Variants in CCDC43 observed in about 807,000 individuals in gnomAD.
CCDC43 encodes coiled-coil domain-containing protein 43.
CCDC43 carries 20 observed loss-of-function variants against 33.3 expected under a neutral mutation model. The observed-to-expected ratio is 0.60, with a 90% CI of 0.42 to 0.87. The LOEUF (loss-of-function observed/expected upper bound fraction) is 0.87, where lower values mean the gene tolerates loss of function less well. Among genes scored for constraint, CCDC43 ranks in the 40% least tolerant of loss-of-function variants. The probability of loss-of-function intolerance (pLI) is 0.00; values close to 1 mark genes in which losing one functional copy is unlikely to be tolerated. For synonymous variants in CCDC43, 104 were observed against 106.5 expected (o/e 0.98, Z 0.14); for missense variants, 248 against 269.9 (o/e 0.92, Z 0.57).
intron 3 of CCDC43, among the ~76,000 whole-genome samples, chr17:44,681,005 G>T (rs745495159): frequency 2.0e-5 from 3 of 152,082 alleles, no homozygotes; most frequent in Non-Finnish European, 2.9e-5. Flanking sequence ...CTAAATTGTG[G>T]GTGAAGCCCA....
Position 44,689,699 on chromosome 17 carries a change from C to T in CCDC43, c.55G>A (p.Gly19Ser), listed in dbSNP as rs779183794. Residue 19 changes from glycine to serine, a missense_variant, in exon 1 of 5, where the codon GGC becomes AGC. Coordinates refer to ENST00000315286, the MANE Select transcript of CCDC43 (RefSeq NM_144609.3). ...AIAPGEGDGG[G>S]GGFGSWLDGR... ...TCCAGCCAGGAGCCAAAGCCGCCGC[C>T]TCCGCCATCGCCTTCGCCAGGGGCT... 3.7e-6 allele frequency: 6 copies of T among 1,605,504 alleles called. No homozygotes were observed. The Admixed American group carries it at 5.1e-5, about 14-fold the overall frequency.
At chr17:44,685,530 T>C (rs1029911851) in intron 1 of CCDC43, among the ~76,000 whole-genome samples, 1 of 152,228 alleles carries the variant, frequency 6.6e-6, no homozygotes, top group Non-Finnish European at 1.5e-5. Context: ...TTCTTAACTT[T>C]CTGATCTTCA....
At chr17:44,685,989 A>G (rs1051791955) in intron 1 of CCDC43, among the ~76,000 whole-genome samples, 2 of 152,010 alleles carry the variant, frequency 1.3e-5, no homozygotes, top group African/African-American at 2.4e-5. Flanking sequence ...TCTCGGCTCA[A>G]TGCAAGCTCT....
rs568039722 is a variant in CCDC43, at chr17:44,679,171, A to T, written c.488-128T>A. ...CGTCTTTATCTATTCCTGGTTTTTT[A>T]AAAAAAACCCTTATGTTTATCCTTG... On this transcript the variant is annotated intron_variant, in intron 4 of 4. Coordinates refer to ENST00000315286, the MANE Select transcript of CCDC43 (RefSeq NM_144609.3). The T allele has an allele frequency of 3.6e-4, 201 of 561,806 alleles. 1 individual carries two copies. The highest frequency in any genetic ancestry group is 2.5e-3 in the African/African-American group (129 of 52,172). The allele number at this position is 561,806 out of a possible 1,614,324, so 34.8% of individuals were successfully genotyped here. A position where few individuals can be genotyped will look rare whatever the true frequency, so the allele number is the denominator to read the frequency against.
At chr17:44,686,504 G>GC (rs1972239256) in intron 1 of CCDC43, among the ~76,000 whole-genome samples, 1 of 152,220 alleles carries the variant, frequency 6.6e-6, no homozygotes, top group Non-Finnish European at 1.5e-5. Flanking sequence ...AGGAAAAGGA[G>GC]CAGCAGAGAG....
At chr17:44,680,073 G>T (rs1341707148) in intron 4 of CCDC43, among the ~76,000 whole-genome samples, 2 of 151,802 alleles carry the variant, frequency 1.3e-5, no homozygotes, top group African/African-American at 4.8e-5. Flanking sequence ...GACTTCCTGG[G>T]CTCAGGTGAT....
At chr17:44,686,896 A>G (rs1057276365) in intron 1 of CCDC43, among the ~76,000 whole-genome samples, 6 of 152,190 alleles carry the variant, frequency 3.9e-5, no homozygotes, top group African/African-American at 1.2e-4. Flanking sequence ...GAAGGATGAT[A>G]AAAGTTTTTG....
rs1475867629 is a variant in CCDC43, at chr17:44,682,113, T to A, written c.318A>T (p.Leu106=). 6.2e-7 allele frequency: 1 copy of A among 1,613,936 alleles called. No individual in the cohort carries two copies. The highest frequency in any genetic ancestry group is 8.5e-7 in the Non-Finnish European group (1 of 1,179,862). Residue 106 remains leucine, a synonymous_variant, in exon 3 of 5, where the codon CTA becomes CTT. Coordinates refer to ENST00000315286, the MANE Select transcript of CCDC43 (RefSeq NM_144609.3). ...KEDEVQAIAT[L]IEKQAQIVVK... is the part of the protein sequence containing the mutation. Reference sequence around the variant, plus strand: ...CTACGATTTGTGCCTGCTTCTCAATTAGGGTGGCAATGGCCTGTACTTCAT... The same window carrying A: ...CTACGATTTGTGCCTGCTTCTCAATAAGGGTGGCAATGGCCTGTACTTCAT...
intron 1 of CCDC43, among the ~76,000 whole-genome samples, chr17:44,686,948 A>G (rs1231550607): frequency 6.6e-6 from 1 of 152,128 alleles, no homozygotes; most frequent in Non-Finnish European, 1.5e-5. Flanking sequence ...CTGTTCTTGA[A>G]TTTTACCTCA....
chr17:44,687,904 G>A (rs1192420874), intron 1 of CCDC43: 1 of 152,124 alleles, frequency 6.6e-6, no homozygotes, highest in African/African-American at 2.4e-5. Flanking sequence ...CCATTTATAA[G>A]CCAATCTTGC....
At chr17:44,688,435 G>A (rs1362666109) in intron 1 of CCDC43, 2 of 152,214 alleles carry the variant, frequency 1.3e-5, no homozygotes, top group African/African-American at 2.4e-5. Context: ...TTACAAACAT[G>A]AGCCACTGTG....
chr17:44,689,543 T>C lies in CCDC43; in HGVS notation c.204+7A>G. On this transcript the variant is annotated splice_region_variant and intron_variant, in intron 1 of 4. Coordinates refer to ENST00000315286, the MANE Select transcript of CCDC43 (RefSeq NM_144609.3). The stretch of plus-strand genomic sequence containing the variant: ...AGAGGCTGAAGGAATGTGTCCAGGC[T>C]ACTCACCAGGAAAGCAGAGAGGATC... The C allele has an allele frequency of 6.2e-7, 1 of 1,613,912 alleles. No individual in the cohort carries two copies. Among genetic ancestry groups the C allele is most frequent in the African/African-American group, 1.3e-5 (1 of 75,056 alleles).
rs372972639 is a variant in CCDC43 at position 44,682,034 on chromosome 17, C to A, written c.397G>T (p.Ala133Ser). The stretch of plus-strand genomic sequence containing the variant: ...TCATCTGTCACATCAGCATACTGGG[C>A]CAGGAGGGCAGCTTTTCTCTGCTTC... Reference protein sequence around the residue: ...EEKQRKAALLAQYADVTDEED... With the variant: ...EEKQRKAALLSQYADVTDEED... The change falls in exon 3 of 5, where the codon GCC (alanine) becomes TCC (serine). Residue 133 changes from alanine to serine, a missense_variant. Physicochemically the swap from Ala to Ser is moderately conservative, Grantham distance 99 (BLOSUM62 1). Coordinates refer to ENST00000315286, the MANE Select transcript of CCDC43 (RefSeq NM_144609.3). 6.2e-7 allele frequency: 1 copy of A among 1,613,994 alleles called. No individual in the cohort carries two copies.
Position 44,678,711 on chromosome 17 carries a change from T to C in CCDC43, c.*145A>G. 1 of 782,068 alleles carries C rather than the reference T, an allele frequency of 1.3e-6. No homozygotes were observed. Among genetic ancestry groups the C allele is most frequent in the Non-Finnish European group, 2.0e-6 (1 of 500,400 alleles). 48.4% of individuals were successfully genotyped at this position (782,068 alleles called of 1,614,324 possible). ...AAACAGCACATTTTGTAATTAGAAG[T>C]GATTTTGATTTTCCTTTTGACCATG... On this transcript the variant is annotated 3_prime_UTR_variant, in exon 5 of 5. Transcript: ENST00000315286.
chr17:44,681,914 G>T (rs1972169096), intron 3 of CCDC43, 89 bp downstream of exon 3: 9 of 1,517,186 alleles, frequency 5.9e-6, no homozygotes, highest in Non-Finnish European at 8.1e-6. Context: ...TATAGAGGGG[G>T]ATTAGCAACT....
At position 44,679,034 on chromosome 17, in the gene CCDC43, C is replaced by T. The variant is rs373200745; in HGVS notation, c.497G>A (p.Arg166Gln). The change falls in exon 5 of 5, where the codon CGA becomes CAA. Residue 166 changes from arginine to glutamine, a missense_variant. Physicochemically the swap from Arg to Gln is conservative, Grantham distance 43. Coordinates refer to ENST00000315286, the MANE Select transcript of CCDC43 (RefSeq NM_144609.3). ...MNIGSDKLLF[R>Q]NTNVEDVLNA... The stretch of plus-strand genomic sequence containing the variant: ...AAGGACATCTTCCACATTGGTGTTT[C>T]GGAACAGAACTACAGGTGAGTTAAG... 8.3e-5 allele frequency: 134 copies of T among 1,613,280 alleles called. No homozygotes were observed. The East Asian group carries it at 1.1e-3, about 13-fold the overall frequency.
chr17:44,684,913 T>C (rs151118333), intron 1 of CCDC43, among the ~76,000 whole-genome samples: 62 of 152,184 alleles, frequency 4.1e-4, no homozygotes, highest in African/African-American at 1.4e-3. Context: ...CTCAAGTAGC[T>C]AGGACTGCAA....
Position 44,689,348 on chromosome 17 carries a change from T to C in CCDC43, c.204+202A>G, listed in dbSNP as rs528349687. 8.6e-4 allele frequency: 576 copies of C among 672,548 alleles called. 3 individuals are homozygous for C. The highest frequency in any genetic ancestry group is 1.2e-3 in the Non-Finnish European group (485 of 407,102). The allele number at this position is 672,548 out of a possible 1,614,324, so 41.7% of individuals were successfully genotyped here. A position where few individuals can be genotyped will look rare whatever the true frequency, so the allele number is the denominator to read the frequency against. On this transcript the variant is annotated intron_variant, in intron 1 of 4. Transcript: ENST00000315286. ...AGAATACGAGAAAGCCCTTCCTCTC[T>C]GTGTACCTGCAGCTTTCAGGCTTCC...
In CCDC43 at chr17:44,678,868, C is replaced by G. The variant is rs958873481; in HGVS notation, c.663G>C (p.Glu221Asp). 6.2e-7 allele frequency: 1 copy of G among 1,613,322 alleles called. No individual in the cohort carries two copies. Among genetic ancestry groups the G allele is most frequent in the African/African-American group, 1.3e-5 (1 of 74,868 alleles). Residue 221 changes from glutamate to aspartate, a missense_variant, in exon 5 of 5, where the codon GAG becomes GAC. By Grantham distance (45) the Glu-to-Asp change is conservative. Coordinates refer to ENST00000315286, the MANE Select transcript of CCDC43 (RefSeq NM_144609.3). ...GAGTAGGCCAAGGTTATCGCTTTCG[C>G]TCCCCTCTCTGTGTCCTTTTTTTTT... ...EKEKKRTQRGERKR is the reference protein window; with the variant it reads ...EKEKKRTQRGDRKR
Sources: allele counts gnomAD v4.1 joint callset (sites outside exome capture counted in the v4.1 genomes callset), GRCh38; gene constraint gnomAD v4.1.1; transcripts MANE v1.5; gene names NCBI Gene and HGNC (gene_info 2026-07-23, HGNC 2026-07-21).